Variants in PIEZO2 observed in about 807,000 individuals in gnomAD.
PIEZO2 encodes piezo-type mechanosensitive ion channel component 2.
PIEZO2 carries 172 observed loss-of-function variants against 337.3 expected under a neutral mutation model. That is an observed-to-expected ratio of 0.51 (90% confidence interval 0.45 to 0.58). The LOEUF is 0.58. Among genes scored for constraint, PIEZO2 ranks in the 20% least tolerant of loss-of-function variants. The pLI, the probability that PIEZO2 is intolerant of heterozygous loss-of-function variation, is 0.00. For synonymous variants in PIEZO2, 1,251 were observed against 1,228.5 expected (o/e 1.02, Z -0.38); for missense variants, 3,028 against 3,391.3 (o/e 0.89, Z 2.66).
intron 3 of PIEZO2, among the ~76,000 whole-genome samples, chr18:10,970,058 A>G (rs918950431): frequency 2.0e-5 from 3 of 152,152 alleles, no homozygotes; most frequent in African/African-American, 4.8e-5. Context: ...CTAATGGGAG[A>G]ACATATAAAA....
chr18:11,068,377 T>C (rs965977882), intron 1 of PIEZO2, among the ~76,000 whole-genome samples: 2 of 152,080 alleles, frequency 1.3e-5, no homozygotes, highest in African/African-American at 4.8e-5. Flanking sequence ...ACAGGAGGAA[T>C]TTCAGAAAAT....
At chr18:10,839,607 C>T (rs1163196764) in intron 7 of PIEZO2, among the ~76,000 whole-genome samples, 1 of 152,218 alleles carries the variant, frequency 6.6e-6, no homozygotes, top group East Asian at 1.9e-4. Context: ...GGCCCCATGT[C>T]TGGCTTGGCA....
intron 3 of PIEZO2, among the ~76,000 whole-genome samples, chr18:10,947,634 G>A (rs950735745): frequency 4.0e-5 from 6 of 151,840 alleles, no homozygotes; most frequent in African/African-American, 1.5e-4. Context: ...AAATGATGCC[G>A]AATGAAACTG....
chr18:10,782,100 A>G (rs914246340), intron 17 of PIEZO2, among the ~76,000 whole-genome samples: 1 of 144,502 alleles, frequency 6.9e-6, no homozygotes, highest in Non-Finnish European at 1.5e-5. Flanking sequence ...TTTGAACATT[A>G]TATATATTAT....
chr18:10,985,053 C>A (rs1364332778), intron 2 of PIEZO2, among the ~76,000 whole-genome samples: 3 of 152,112 alleles, frequency 2.0e-5, no homozygotes, highest in Admixed American at 6.5e-5. Flanking sequence ...AAATTTATAA[C>A]CACTAGAACT....
chr18:10,987,687 A>G (rs2034932111), intron 2 of PIEZO2, among the ~76,000 whole-genome samples: 1 of 151,944 alleles, frequency 6.6e-6, no homozygotes, highest in Admixed American at 6.5e-5. Flanking sequence ...AGAAGCAAAA[A>G]TAAGTGTAAT....
chr18:11,139,186 A>G (rs1274214355), intron 1 of PIEZO2, among the ~76,000 whole-genome samples: 1 of 152,160 alleles, frequency 6.6e-6, no homozygotes, highest in African/African-American at 2.4e-5. Context: ...TTCTATTATT[A>G]CCTTGTTCCA....
intron 4 of PIEZO2, among the ~76,000 whole-genome samples, chr18:10,879,926 G>GA (rs1048549386): frequency 6.6e-6 from 1 of 152,060 alleles, no homozygotes; most frequent in South Asian, 2.1e-4. Context: ...TCATAATGGT[G>GA]AAAAAAATGA....
intron 1 of PIEZO2, among the ~76,000 whole-genome samples, chr18:11,106,435 T>C (rs1178987030): frequency 2.0e-5 from 3 of 149,142 alleles, no homozygotes; most frequent in Admixed American, 2.0e-4. Flanking sequence ...TTTTTTTTTT[T>C]CTGAGACAGG....
chr18:11,136,639 T>C (rs1318578158), intron 1 of PIEZO2, among the ~76,000 whole-genome samples: 2 of 152,208 alleles, frequency 1.3e-5, no homozygotes, highest in East Asian at 3.8e-4. Context: ...AACCAGTGTT[T>C]AGTTTGATGA....
At chr18:10,755,711 C>A (rs985366200) in intron 27 of PIEZO2, among the ~76,000 whole-genome samples, 1 of 152,116 alleles carries the variant, frequency 6.6e-6, no homozygotes, top group Non-Finnish European at 1.5e-5. Flanking sequence ...TGCTAGGGAG[C>A]CCTTGCATGG....
chr18:10,720,521 G>A (rs1275836261), intron 36 of PIEZO2, among the ~76,000 whole-genome samples: 2 of 141,768 alleles, frequency 1.4e-5, no homozygotes, highest in Admixed American at 7.4e-5. Context: ...GCAATGGTGT[G>A]ATCATAGCTC....
At chr18:10,686,753 T>G (rs925423853) in intron 49 of PIEZO2, among the ~76,000 whole-genome samples, 1 of 152,178 alleles carries the variant, frequency 6.6e-6, no homozygotes, top group African/African-American at 2.4e-5. Flanking sequence ...CAGAGGTGTC[T>G]TCATTGGTAT....
intron 3 of PIEZO2, among the ~76,000 whole-genome samples, chr18:10,961,746 G>A (rs1051542773): frequency 3.3e-5 from 5 of 152,006 alleles, no homozygotes; most frequent in African/African-American, 1.2e-4. Flanking sequence ...ACTCCACAAA[G>A]AGAATTTGAG....
At chr18:10,882,299 A>T (rs1327028670) in intron 4 of PIEZO2, among the ~76,000 whole-genome samples, 1 of 152,178 alleles carries the variant, frequency 6.6e-6, no homozygotes, top group African/African-American at 2.4e-5. Context: ...AATAATGACA[A>T]AAATTCAGTG....
At chr18:10,848,799 T>C (rs12455435) in intron 7 of PIEZO2, among the ~76,000 whole-genome samples, 45,116 of 152,042 alleles carry the variant, frequency 0.3, 7,193 homozygotes, top group African/African-American at 0.43. Flanking sequence ...ATGCTAAATG[T>C]TCATTAGTAG....
chr18:11,071,480 C>T (rs1008859619), intron 1 of PIEZO2, among the ~76,000 whole-genome samples: 2 of 152,226 alleles, frequency 1.3e-5, no homozygotes, highest in African/African-American at 2.4e-5. Flanking sequence ...AGATTGTACC[C>T]TGCCTTTGGG....
At chr18:10,987,742 T>C in intron 2 of PIEZO2, among the ~76,000 whole-genome samples, 1 of 151,748 alleles carries the variant, frequency 6.6e-6, no homozygotes, top group East Asian at 1.9e-4. Flanking sequence ...AAACAATCCC[T>C]AAAATGAAAA....
At chr18:10,825,094 C>T (rs2040628763) in intron 7 of PIEZO2, among the ~76,000 whole-genome samples, 1 of 152,046 alleles carries the variant, frequency 6.6e-6, no homozygotes, top group Middle Eastern at 3.2e-3. Context: ...GAACTCCTGA[C>T]CTCAGGTGAT....
Sources: allele counts gnomAD v4.1 joint callset (sites outside exome capture counted in the v4.1 genomes callset), GRCh38; gene constraint gnomAD v4.1.1; transcripts MANE v1.5; gene names NCBI Gene and HGNC (gene_info 2026-07-23, HGNC 2026-07-21).